The following ROBO2 variants were observed in gnomAD, a reference collection of about 807,000 sequenced individuals.
ROBO2 encodes the protein roundabout homolog 2.
In ROBO2, 53 loss-of-function variants were observed where a neutral mutation model predicts 160.8. The ratio of observed to expected loss-of-function variants is 0.33; its 90% CI spans 0.26 to 0.41. ROBO2 has a LOEUF of 0.41. Ranked by LOEUF, ROBO2 falls within the 10% of genes least tolerant of loss-of-function variation. The probability of loss-of-function intolerance (pLI) is 1.00; values close to 1 mark genes in which losing one functional copy is unlikely to be tolerated. For synonymous variants in ROBO2, 664 were observed against 611.7 expected, an observed-to-expected ratio of 1.09 and a Z score of -1.26; for missense variants, 1,577 against 1,722.4, an observed-to-expected ratio of 0.92 and a Z score of 1.49.
At chr3:76,834,940 T>C (rs569562449) in intron 2 of ROBO2, among the ~76,000 whole-genome samples, 7 of 152,248 alleles carry the variant, frequency 4.6e-5, no homozygotes, top group African/African-American at 1.4e-4. Context: ...GAGTGGAAAA[T>C]AACTTTGAAC....
At chr3:77,475,033 T>C (rs1204987418) in intron 2 of ROBO2, among the ~76,000 whole-genome samples, 1 of 151,904 alleles carries the variant, frequency 6.6e-6, no homozygotes, top group African/African-American at 2.4e-5. Context: ...CTAGGCTGCC[T>C]ATGGTGGAAC....
At position 76,637,439 on chromosome 3, in the gene ROBO2, AAAAAAAAT is replaced by A. The variant is rs200801629; in HGVS notation, c.110-460573_110-460566del. Among the ~76,000 whole-genome samples, 323 of 152,224 alleles carry A rather than the reference AAAAAAAAT, an allele frequency of 2.1e-3. 1 individual carries two copies. The highest frequency in any genetic ancestry group is 7.6e-3 in the African/African-American group (317 of 41,538). ...TTCTAGAAATAAAAAAAAAAATGAA[AAAAAAAAT>A]ACTTGGGGGAAAACACCTTCTTATA... On this transcript the variant is annotated intron_variant, in intron 2 of 26. Coordinates refer to the ROBO2 transcript ENST00000487694.
chr3:77,607,977 C>T lies in ROBO2; in HGVS notation c.3293+23C>T, dbSNP rs373694580. The T allele has an allele frequency of 1.9e-6, 3 of 1,612,492 alleles. No individual in the cohort carries two copies. The African/African-American group carries it at 4.0e-5, about 22-fold the overall frequency. ...TGGGTAAAGATATTTTATATACTAG[C>T]AAAATGGCCAGGGCTCTCCTCTCCT... On this transcript the variant is annotated intron_variant, in intron 21 of 25. Coordinates refer to ENST00000461745, the Ensembl canonical transcript of ROBO2.
chr3:77,433,161 C>T (rs1026101920), intron 2 of ROBO2, among the ~76,000 whole-genome samples: 3 of 151,998 alleles, frequency 2.0e-5, no homozygotes, highest in African/African-American at 7.2e-5. Flanking sequence ...TGCGATGAGA[C>T]ACCTTGCAGA....
At chr3:76,812,174 C>T (rs934280166) in intron 2 of ROBO2, among the ~76,000 whole-genome samples, 1 of 151,696 alleles carries the variant, frequency 6.6e-6, no homozygotes, top group African/African-American at 2.4e-5. Context: ...TGCCCAGCCT[C>T]ATTTTTTTAG....
intron 2 of ROBO2, among the ~76,000 whole-genome samples, chr3:75,940,371 T>G (rs1947997280): frequency 6.6e-6 from 1 of 152,054 alleles, no homozygotes; most frequent in Non-Finnish European, 1.5e-5. Flanking sequence ...GCCCTTAGGG[T>G]CAAAATAAGA....
intron 2 of ROBO2, among the ~76,000 whole-genome samples, chr3:77,424,064 G>T (rs1452598583): frequency 2.0e-5 from 3 of 152,034 alleles, no homozygotes; most frequent in Admixed American, 2.0e-4. Flanking sequence ...CCTTGATATT[G>T]CTCTTTAAGA....
At chr3:76,806,647 A>C (rs1253966264) in intron 2 of ROBO2, among the ~76,000 whole-genome samples, 1 of 152,040 alleles carries the variant, frequency 6.6e-6, no homozygotes. Context: ...ATTTAAAACT[A>C]TGCAACAGAA....
chr3:75,978,840 T>C (rs2065200326), intron 2 of ROBO2, among the ~76,000 whole-genome samples: 2 of 151,572 alleles, frequency 1.3e-5, no homozygotes, highest in African/African-American at 4.8e-5. Flanking sequence ...AGCTCACATC[T>C]TGTTATTGAG....
chr3:76,173,414 A>G (rs1230612704), intron 2 of ROBO2, among the ~76,000 whole-genome samples: 1 of 152,050 alleles, frequency 6.6e-6, no homozygotes, highest in Non-Finnish European at 1.5e-5. Flanking sequence ...ATAGGTATAC[A>G]TGTGCCATGG....
chr3:76,077,262 T>C (rs1467099880), intron 2 of ROBO2, among the ~76,000 whole-genome samples: 2 of 152,210 alleles, frequency 1.3e-5, no homozygotes, highest in Non-Finnish European at 2.9e-5. Flanking sequence ...AATTTCATAA[T>C]GTTTTAAAAT....
chr3:77,011,173 TC>T (rs1266574719), intron 2 of ROBO2, among the ~76,000 whole-genome samples: 2 of 145,908 alleles, frequency 1.4e-5, no homozygotes, highest in Non-Finnish European at 1.5e-5. Context: ...CTTCATTCCA[TC>T]CTTCCTTTCT....
chr3:76,360,624 A>G (rs3893354), intron 2 of ROBO2, among the ~76,000 whole-genome samples: 7,276 of 152,110 alleles, frequency 0.048, 468 homozygotes, highest in African/African-American at 0.15. Flanking sequence ...TTTTTTTTCC[A>G]GTTTAGCATT....
At chr3:76,300,273 C>CT (rs34823969) in intron 2 of ROBO2, among the ~76,000 whole-genome samples, 9,957 of 150,866 alleles carry the variant, frequency 0.066, 396 homozygotes, top group African/African-American at 0.11. Context: ...CTGAATAGTT[C>CT]TTTTTTTTTG....
chr3:77,244,147 A>T (rs2089414389), intron 2 of ROBO2, among the ~76,000 whole-genome samples: 1 of 152,214 alleles, frequency 6.6e-6, no homozygotes, highest in South Asian at 2.1e-4. Context: ...GATACATAAA[A>T]GGCCTCAGGC....
At chr3:77,231,131 G>A (rs1412937547) in intron 2 of ROBO2, among the ~76,000 whole-genome samples, 2 of 152,084 alleles carry the variant, frequency 1.3e-5, no homozygotes, top group Admixed American at 6.5e-5. Flanking sequence ...TTGGGAGGCC[G>A]AGGTGGGCGG....
At chr3:77,558,215 G>T in intron 9 of ROBO2, 66 bp downstream of exon 10, 2 of 1,331,714 alleles carry the variant, frequency 1.5e-6, no homozygotes, top group Non-Finnish European at 2.2e-6. Flanking sequence ...TGGAAAAATT[G>T]CATAGTGAAC....
intron 2 of ROBO2, among the ~76,000 whole-genome samples, chr3:77,219,709 C>T (rs951604696): frequency 8.6e-5 from 13 of 151,146 alleles, no homozygotes; most frequent in African/African-American, 3.2e-4. Context: ...TTGCCGTCTA[C>T]AAGTCACAAA....
chr3:76,691,234 T>C (rs2092795217), intron 2 of ROBO2, among the ~76,000 whole-genome samples: 1 of 152,030 alleles, frequency 6.6e-6, no homozygotes, highest in African/African-American at 2.4e-5. Flanking sequence ...CTCTGTTTTG[T>C]AAGTGCTCAC....
Sources: allele counts gnomAD v4.1 joint callset (sites outside exome capture counted in the v4.1 genomes callset), GRCh38; gene constraint gnomAD v4.1.1; transcripts MANE v1.5; gene names NCBI Gene and HGNC (gene_info 2026-07-23, HGNC 2026-07-21).